SLC25A33: variants seen among roughly 807,000 people sequenced by gnomAD.
SLC25A33 encodes bone marrow stromal cell mitochondrial carrier protein.
SLC25A33 carries 15 observed loss-of-function variants against 35.5 expected under a neutral mutation model. The ratio of observed to expected loss-of-function variants is 0.42; its 90% CI spans 0.28 to 0.65. SLC25A33 has a LOEUF of 0.65. Among genes scored for constraint, SLC25A33 ranks in the 30% least tolerant of loss-of-function variants. SLC25A33 has a pLI of 0.20. For missense variants in SLC25A33, 257 were observed against 398.5 expected, an observed-to-expected ratio of 0.64 and a Z score of 3.02; for synonymous variants, 136 against 148.7, an observed-to-expected ratio of 0.91 and a Z score of 0.62.
chr1:9,564,740 ATATATAT>A (rs1211715476), intron 2 of SLC25A33, among the ~76,000 whole-genome samples: 4 of 94,238 alleles, frequency 4.2e-5, no homozygotes, highest in African/African-American at 2.0e-4. Context: ...AAAAAAAAAA[ATATATAT>A]ATATATATAT....
At chr1:9,577,041 T>C (rs1322537010) in intron 5 of SLC25A33, 16 of 752,870 alleles carry the variant, frequency 2.1e-5, no homozygotes, top group Non-Finnish European at 3.3e-5. Flanking sequence ...CTAAGACCTA[T>C]TGGTGATATT....
At chr1:9,550,957 C>A (rs1643258092) in intron 1 of SLC25A33, among the ~76,000 whole-genome samples, 1 of 151,964 alleles carries the variant, frequency 6.6e-6, no homozygotes, top group Non-Finnish European at 1.5e-5. Context: ...GGATTACAGG[C>A]ATGAGCTGTC....
intron 2 of SLC25A33, among the ~76,000 whole-genome samples, chr1:9,555,809 C>T (rs1305976415): frequency 2.0e-5 from 3 of 152,104 alleles, no homozygotes; most frequent in South Asian, 4.1e-4. Context: ...CTCAGCTTCC[C>T]GAGTAGCTGG....
In SLC25A33 at chr1:9,562,176, C is replaced by T. The variant is rs61782984; in HGVS notation, c.237-5108C>T. On this transcript the variant is annotated intron_variant, in intron 2 of 6. Coordinates refer to ENST00000302692, the MANE Select transcript of SLC25A33 (RefSeq NM_032315.3). ...CAGCCTGGCCAACATGGTGAAACCC[C>T]ATCTCTACTAAAAATACAAAAATTA... is the stretch of plus-strand genomic sequence containing the variant. Among the ~76,000 whole-genome samples the T allele has an allele frequency of 8.6e-3, 1,310 of 151,766 alleles. 20 individuals carry two copies. Among genetic ancestry groups the T allele is most frequent in the East Asian group, 0.053 (271 of 5,142 alleles).
chr1:9,543,955 A>AC (rs1643130438), intron 1 of SLC25A33, among the ~76,000 whole-genome samples: 1 of 151,968 alleles, frequency 6.6e-6, no homozygotes, highest in Admixed American at 6.6e-5. Context: ...AAATACAAAA[A>AC]TTAGCTGGGC....
chr1:9,575,637 G>T lies in SLC25A33; in HGVS notation c.482+2225G>T, dbSNP rs80158381. ...CTGGAAAAAAAAACGAAAGCAAAAC[G>T]AAAGGAGGCAGGGAGTACCCCAGGA... On this transcript the variant is annotated intron_variant, in intron 5 of 6. Coordinates refer to ENST00000302692, the MANE Select transcript of SLC25A33 (RefSeq NM_032315.3). Among the ~76,000 whole-genome samples, 246 of 152,094 alleles carry T rather than the reference G, an allele frequency of 1.6e-3. 2 individuals are homozygous for T. Among genetic ancestry groups the T allele is most frequent in the African/African-American group, 5.7e-3 (238 of 41,480 alleles).
intron 2 of SLC25A33, among the ~76,000 whole-genome samples, chr1:9,557,285 G>A (rs1287876536): frequency 3.9e-5 from 6 of 152,214 alleles, no homozygotes; most frequent in African/African-American, 9.6e-5. Flanking sequence ...AAACAATGGC[G>A]TTAGTAAGTA....
rs181061228 is a variant in SLC25A33 at position 9,561,087 on chromosome 1, C to T, written c.237-6197C>T. 1.9e-3 allele frequency among the ~76,000 whole-genome samples: 294 copies of T among 151,786 alleles called. 3 individuals are homozygous for T. Among genetic ancestry groups the T allele is most frequent in the Non-Finnish European group, 3.0e-3 (205 of 67,880 alleles). On this transcript the variant is annotated intron_variant, in intron 2 of 6. Coordinates refer to ENST00000302692, the MANE Select transcript of SLC25A33 (RefSeq NM_032315.3). ...GCCTCAGCCTCCTGAGTAGCTGGGACCCGTCACCACGCCCGGCTAATTTTT... is the reference window on the plus strand; with the variant it reads ...GCCTCAGCCTCCTGAGTAGCTGGGATCCGTCACCACGCCCGGCTAATTTTT...
At chr1:9,548,446 G>A (rs187006820) in intron 1 of SLC25A33, among the ~76,000 whole-genome samples, 2 of 152,120 alleles carry the variant, frequency 1.3e-5, no homozygotes, top group Non-Finnish European at 2.9e-5. Flanking sequence ...TCTAGGTAGG[G>A]TGGCACACGC....
intron 2 of SLC25A33, among the ~76,000 whole-genome samples, chr1:9,558,902 G>A (rs1446616603): frequency 6.6e-6 from 1 of 152,142 alleles, no homozygotes; most frequent in African/African-American, 2.4e-5. Context: ...CTCCCTCTGG[G>A]TAAGAGCTAC....
intron 1 of SLC25A33, among the ~76,000 whole-genome samples, chr1:9,540,210 G>C (rs1449415578): frequency 6.6e-6 from 1 of 152,138 alleles, no homozygotes; most frequent in Non-Finnish European, 1.5e-5. Flanking sequence ...TCATCCGGAC[G>C]GGCAAAAAGG....
Position 9,582,345 on chromosome 1 carries a change from T to C in SLC25A33, c.810T>C (p.Ser270=). 6.2e-7 allele frequency: 1 copy of C among 1,613,980 alleles called. No homozygotes were observed. Among genetic ancestry groups the C allele is most frequent in the Admixed American group, 1.7e-5 (1 of 60,006 alleles). Residue 270 remains serine (S), a synonymous_variant, in exon 7 of 7, where the codon TCT becomes TCC. Coordinates refer to ENST00000302692, the MANE Select transcript of SLC25A33 (RefSeq NM_032315.3). This position sits in a 1 kb window ranked among gnomAD's most constrained non-coding sequence, Gnocchi z 4.0. The part of the protein sequence containing the change: ...RLREEGTKYK[S]FVQTARLVFR... ...GGGAAGAGGGCACCAAGTACAAGTCTTTTGTCCAGACGGCGCGCCTGGTGT... is the reference window on the plus strand; with the variant it reads ...GGGAAGAGGGCACCAAGTACAAGTCCTTTGTCCAGACGGCGCGCCTGGTGT...
At chr1:9,574,428 A>AGT (rs1453519459) in intron 5 of SLC25A33, among the ~76,000 whole-genome samples, 5 of 152,214 alleles carry the variant, frequency 3.3e-5, no homozygotes, top group African/African-American at 4.8e-5. Flanking sequence ...TCAGTGATAC[A>AGT]GTAGTATGCC....
chr1:9,557,944 T>C (rs1035734384), intron 2 of SLC25A33, among the ~76,000 whole-genome samples: 1 of 152,140 alleles, frequency 6.6e-6, no homozygotes, highest in African/African-American at 2.4e-5. Context: ...TTAATAACTT[T>C]CAAGTAAAGG....
At chr1:9,572,656 T>A (rs182957255) in intron 4 of SLC25A33, among the ~76,000 whole-genome samples, 13 of 152,156 alleles carry the variant, frequency 8.5e-5, no homozygotes, top group East Asian at 5.8e-4. Flanking sequence ...AGTATCAAAT[T>A]AATCTGCTTC....
At chr1:9,545,636 C>T (rs1056729137) in intron 1 of SLC25A33, among the ~76,000 whole-genome samples, 1 of 148,950 alleles carries the variant, frequency 6.7e-6, no homozygotes. Flanking sequence ...CTCCTGATCT[C>T]GTGATCCACC....
chr1:9,560,861 T>C (rs1005174751), intron 2 of SLC25A33, among the ~76,000 whole-genome samples: 1 of 151,814 alleles, frequency 6.6e-6, no homozygotes, highest in Admixed American at 6.6e-5. Flanking sequence ...GTATATGTAT[T>C]TCAGGTATTT....
At chr1:9,568,143 A>G (rs1460773019) in intron 3 of SLC25A33, among the ~76,000 whole-genome samples, 3 of 152,328 alleles carry the variant, frequency 2.0e-5, no homozygotes, top group Middle Eastern at 6.8e-3. Context: ...TGGAAAGTAG[A>G]TTAAAAACTG....
At chr1:9,573,135 A>C (rs1004119195) in intron 4 of SLC25A33, among the ~76,000 whole-genome samples, 1 of 152,134 alleles carries the variant, frequency 6.6e-6, no homozygotes, top group Non-Finnish European at 1.5e-5. Context: ...AATTAAGAGA[A>C]ATTTATTTTA....
Sources: allele counts gnomAD v4.1 joint callset (sites outside exome capture counted in the v4.1 genomes callset), GRCh38; gene constraint gnomAD v4.1.1; non-coding constraint Gnocchi (gnomAD v3.1); transcripts MANE v1.5; gene names NCBI Gene and HGNC (gene_info 2026-07-23, HGNC 2026-07-21).